ASCC3: variants seen among roughly 807,000 people sequenced by gnomAD.
ASCC3 encodes the protein ASC-1 complex subunit P200.
In ASCC3, 158 loss-of-function variants were observed where a neutral mutation model predicts 256.3. The ratio of observed to expected loss-of-function variants is 0.62; its 90% CI spans 0.54 to 0.70. The LOEUF is 0.70. ASCC3 is among the 30% of genes least tolerant of loss of function. The pLI is 0.00. For synonymous variants in ASCC3, 948 were observed against 883.4 expected (o/e 1.07, Z -1.30); for missense variants, 2,259 against 2,626.0 (o/e 0.86, Z 3.05).
rs1773844523 is a variant in ASCC3 at position 100,512,923 on chromosome 6, A to G, written c.6076-5T>C. On this transcript the variant is annotated splice_polypyrimidine_tract_variant and splice_region_variant and intron_variant, in intron 39 of 41. Transcript: ENST00000369162. The stretch of plus-strand genomic sequence containing the variant: ...GTGAGATAAGAAATTCCATGCCTAA[A>G]TAAAAAGAGAAAAGAAACAATAAAG... 6.2e-7 allele frequency: 1 copy of G among 1,611,496 alleles called. No individual in the cohort carries two copies. The highest frequency in any genetic ancestry group is 2.2e-5 in the East Asian group (1 of 44,852).
rs1355828355 is a variant in ASCC3 at position 100,881,101 on chromosome 6, TC to T, written c.-83del. ...ACGCGTTTCCCATCACTCTGTCAGC[TC>T]CTGCCACCGCGCCTTCTTCCCTTTC... is the stretch of plus-strand genomic sequence containing the variant. On this transcript the variant is annotated 5_prime_UTR_variant, in exon 1 of 42. Transcript: ENST00000369162. 6.6e-6 allele frequency: 1 copy of T among 152,416 alleles called. No individual in the cohort carries two copies. Among genetic ancestry groups the T allele is most frequent in the Non-Finnish European group, 1.5e-5 (1 of 68,184 alleles). The allele number at this position is 152,416 out of a possible 1,614,324, so 9.4% of individuals were successfully genotyped here.
intron 3 of ASCC3, among the ~76,000 whole-genome samples, chr6:100,855,239 G>T (rs1050736347): frequency 2.0e-5 from 3 of 151,680 alleles, no homozygotes; most frequent in African/African-American, 7.3e-5. Flanking sequence ...TCAGCCTCCC[G>T]AGTAGCTGGG....
intron 8 of ASCC3, among the ~76,000 whole-genome samples, chr6:100,777,991 GCTGGTTTATA>G (rs1235659649): frequency 1.3e-5 from 2 of 152,064 alleles, no homozygotes; most frequent in African/African-American, 2.4e-5. Context: ...GAAAGGTGAT[GCTGGTTTATA>G]CTGGAGTGTC....
At chr6:100,618,831 G>A (rs1773800218) in intron 30 of ASCC3, among the ~76,000 whole-genome samples, 1 of 152,176 alleles carries the variant, frequency 6.6e-6, no homozygotes, top group Non-Finnish European at 1.5e-5. Context: ...GGTTCTGCTA[G>A]TAGCCTCAAG....
intron 8 of ASCC3, among the ~76,000 whole-genome samples, chr6:100,781,777 T>C (rs1782463708): frequency 6.6e-6 from 1 of 151,986 alleles, no homozygotes; most frequent in Non-Finnish European, 1.5e-5. Flanking sequence ...CACTAAAAAC[T>C]CTAAACATAA....
chr6:100,687,508 C>T (rs996230877), intron 13 of ASCC3, among the ~76,000 whole-genome samples: 6 of 151,814 alleles, frequency 4.0e-5, no homozygotes, highest in Non-Finnish European at 7.4e-5. Flanking sequence ...ACTACAGGTG[C>T]GCACCACCAT....
intron 34 of ASCC3, among the ~76,000 whole-genome samples, chr6:100,596,267 A>C (rs1244029133): frequency 1.5e-4 from 23 of 152,204 alleles, no homozygotes; most frequent in Admixed American, 1.5e-3. Flanking sequence ...TTTCAAAACA[A>C]ATCTTCCATT....
At chr6:100,737,893 T>C (rs893009870) in intron 10 of ASCC3, among the ~76,000 whole-genome samples, 3 of 152,178 alleles carry the variant, frequency 2.0e-5, no homozygotes, top group African/African-American at 7.2e-5. Context: ...ATCTGTTGTT[T>C]ACTGACTTTT....
intron 30 of ASCC3, among the ~76,000 whole-genome samples, chr6:100,618,052 CT>C (rs1236554622): frequency 6.6e-6 from 1 of 152,172 alleles, no homozygotes. Context: ...ATAACTTCTT[CT>C]TTTAAAAATG....
chr6:100,681,725 C>CAAAAAAAAAAAAAAA (rs10696130), intron 13 of ASCC3, among the ~76,000 whole-genome samples: 2 of 58,660 alleles, frequency 3.4e-5, no homozygotes, highest in South Asian at 8.5e-4. Context: ...GACTCCGTCT[C>CAAAAAAAAAAAAAAA]AAAAAAAAAA....
chr6:100,850,230 T>C (rs1315987975), intron 3 of ASCC3, among the ~76,000 whole-genome samples: 1 of 152,052 alleles, frequency 6.6e-6, no homozygotes, highest in East Asian at 1.9e-4. Context: ...TATTTTCCAG[T>C]CTTATTGGCT....
At chr6:100,628,030 T>C (rs970677463) in intron 27 of ASCC3, 43 bp from the exon 28 acceptor site, 1 of 1,603,978 alleles carries the variant, frequency 6.2e-7, no homozygotes, top group African/African-American at 1.3e-5. Context: ...TTAACAAGCC[T>C]GTGTTGGTCA....
intron 13 of ASCC3, among the ~76,000 whole-genome samples, chr6:100,690,415 T>C (rs1777789117): frequency 6.6e-6 from 1 of 152,116 alleles, no homozygotes; most frequent in East Asian, 1.9e-4. Context: ...GAAGCATCCT[T>C]ACTTTGGATA....
chr6:100,593,827 A>C (rs2114779906), intron 34 of ASCC3, among the ~76,000 whole-genome samples: 1 of 152,220 alleles, frequency 6.6e-6, no homozygotes, highest in Non-Finnish European at 1.5e-5. Flanking sequence ...CTCAGGGGAA[A>C]ACAGAGTAAA....
At chr6:100,814,054 C>T (rs552513622) in intron 4 of ASCC3, among the ~76,000 whole-genome samples, 4 of 152,200 alleles carry the variant, frequency 2.6e-5, no homozygotes, top group Admixed American at 6.5e-5. Flanking sequence ...TTTGCCAATT[C>T]GGTATGATCT....
chr6:100,876,792 A>G (rs1387743389), intron 1 of ASCC3, among the ~76,000 whole-genome samples: 1 of 152,216 alleles, frequency 6.6e-6, no homozygotes, highest in African/African-American at 2.4e-5. Flanking sequence ...AAACCCTAAA[A>G]GCCTACTTCT....
intron 4 of ASCC3, among the ~76,000 whole-genome samples, chr6:100,826,391 A>G (rs1415342310): frequency 6.6e-6 from 1 of 152,154 alleles, no homozygotes; most frequent in East Asian, 1.9e-4. Context: ...TCGGCCTCCC[A>G]AAGTGCTGGT....
intron 13 of ASCC3, among the ~76,000 whole-genome samples, chr6:100,688,277 A>AAC (rs1554214845): frequency 3.4e-4 from 52 of 151,084 alleles, no homozygotes; most frequent in African/African-American, 7.5e-4. Context: ...TAAAAAAAAA[A>AAC]AACAACAACA....
intron 18 of ASCC3, 43 bp from the exon 19 acceptor site, chr6:100,651,689 T>A: frequency 5.0e-6 from 5 of 1,001,884 alleles, no homozygotes; most frequent in Non-Finnish European, 7.0e-6. Context: ...AAAAATATTT[T>A]AAATATTTTA....
Sources: gnomAD v4.1 joint callset for allele counts (sites outside exome capture counted in the v4.1 genomes callset) on GRCh38, gnomAD v4.1.1 for gene constraint, MANE v1.5 for transcripts, NCBI Gene and HGNC (gene_info 2026-07-23, HGNC 2026-07-21) for gene names.